The following PRSS23 variants were observed in gnomAD, a reference collection of about 807,000 sequenced individuals.
PRSS23 encodes serine protease 23, also known as protease, serine 23.
In PRSS23, 25 loss-of-function variants were observed where a neutral mutation model predicts 34.7. That is an observed-to-expected ratio of 0.72 (90% CI 0.53 to 1.01). PRSS23 has a LOEUF of 1.01. Ranked by LOEUF, PRSS23 falls within the 50% of genes least tolerant of loss-of-function variation. PRSS23 has a pLI of 0.00. For synonymous variants in PRSS23, 176 were observed against 186.6 expected (o/e 0.94, Z 0.46); for missense variants, 445 against 475.6 (o/e 0.94, Z 0.60).
intron 2 of PRSS23, among the ~76,000 whole-genome samples, chr11:86,894,762 TA>T (rs1459150210): frequency 6.6e-6 from 1 of 152,194 alleles, no homozygotes; most frequent in African/African-American, 2.4e-5. Flanking sequence ...TCACCATAGC[TA>T]AAATCTCTTT....
At chr11:86,932,680 A>G (rs1949133981) in intron 2 of PRSS23, 1 of 151,882 alleles carries the variant, frequency 6.6e-6, no homozygotes, top group Non-Finnish European at 1.5e-5. Context: ...TCTCAAAACC[A>G]CTTGGAATGA....
At chr11:86,881,273 T>A (rs942902510) in intron 2 of PRSS23, among the ~76,000 whole-genome samples, 1 of 144,688 alleles carries the variant, frequency 6.9e-6, no homozygotes. Flanking sequence ...TTTTTTTTTA[T>A]CATGAAATGG....
intron 2 of PRSS23, chr11:86,949,425 A>T (rs1227219715): frequency 6.6e-6 from 1 of 152,084 alleles, no homozygotes; most frequent in East Asian, 1.9e-4. Context: ...AAAAAGAAAA[A>T]AAAAAGCTTC....
intron 2 of PRSS23, among the ~76,000 whole-genome samples, chr11:86,828,180 G>A (rs1948319306): frequency 6.6e-6 from 1 of 152,214 alleles, no homozygotes. Flanking sequence ...GGGTGCTCCT[G>A]TATTGGGTGC....
At chr11:86,858,447 A>G (rs1163175792) in intron 2 of PRSS23, among the ~76,000 whole-genome samples, 3 of 151,910 alleles carry the variant, frequency 2.0e-5, no homozygotes, top group East Asian at 1.9e-4. Flanking sequence ...TGTACATGAT[A>G]TCTACTGGGG....
intron 2 of PRSS23, among the ~76,000 whole-genome samples, chr11:86,886,180 A>G (rs1948800803): frequency 6.6e-6 from 1 of 152,098 alleles, no homozygotes; most frequent in Admixed American, 6.5e-5. Flanking sequence ...CCTGGACAAC[A>G]GTGAGACCCC....
intron 2 of PRSS23, among the ~76,000 whole-genome samples, chr11:86,916,693 C>T (rs928204207): frequency 3.9e-5 from 6 of 152,104 alleles, no homozygotes; most frequent in East Asian, 1.9e-4. Flanking sequence ...AGAGGTGCCC[C>T]CACTCAGAAT....
At chr11:86,949,836 T>A (rs1417373744) in intron 2 of PRSS23, 3 of 152,658 alleles carry the variant, frequency 2.0e-5, no homozygotes, top group African/African-American at 7.2e-5. Context: ...CAGGCCACAC[T>A]GCCTCCAGTG....
At chr11:86,799,180 C>T (rs1431831234), upstream of PRSS23, among the ~76,000 whole-genome samples, 5 of 152,138 alleles carry the variant, frequency 3.3e-5, no homozygotes, top group African/African-American at 4.8e-5. Context: ...AGGAGGTCTA[C>T]GCTGCAGTGA....
chr11:86,924,488 T>A (rs1187262679), intron 2 of PRSS23, among the ~76,000 whole-genome samples: 1 of 152,210 alleles, frequency 6.6e-6, no homozygotes, highest in Non-Finnish European at 1.5e-5. Flanking sequence ...AAAAATGAGT[T>A]AAATAAGATA....
chr11:86,854,485 T>A (rs144633116), intron 2 of PRSS23, among the ~76,000 whole-genome samples: 2 of 152,184 alleles, frequency 1.3e-5, no homozygotes, highest in Non-Finnish European at 2.9e-5. Flanking sequence ...GTTCACAGTG[T>A]TTTTTGATGC....
At chr11:86,832,735 G>A (rs111537332) in intron 2 of PRSS23, 1 of 298,874 alleles carries the variant, frequency 3.3e-6, no homozygotes, top group Non-Finnish European at 6.5e-6. Flanking sequence ...GAGACCCACA[G>A]GTGGAGAAGG....
At chr11:86,925,963 G>A (rs1037755112) in intron 2 of PRSS23, among the ~76,000 whole-genome samples, 2 of 152,200 alleles carry the variant, frequency 1.3e-5, no homozygotes, top group Non-Finnish European at 2.9e-5. Context: ...GAGTGACTGA[G>A]CCTCAGAGCT....
chr11:86,879,150 C>G (rs1333026505), intron 2 of PRSS23, among the ~76,000 whole-genome samples: 1 of 150,624 alleles, frequency 6.6e-6, no homozygotes, highest in Non-Finnish European at 1.5e-5. Flanking sequence ...GCGCCTCTTC[C>G]CGGCCGCCAT....
At position 86,951,266 on chromosome 11, in the gene PRSS23, G is replaced by C. The variant is rs80358300; in HGVS notation, c.257G>C (p.Arg86Thr). 5.0e-6 allele frequency: 8 copies of C among 1,614,142 alleles called. No individual in the cohort carries two copies. The highest frequency in any genetic ancestry group is 6.8e-6 in the Non-Finnish European group (8 of 1,180,028). Reference sequence around the variant, plus strand: ...CTGCCACGTGTGAAGAGTTTTGGCAGACCAAATCCACATGCCTGAAGTGAT... The same window carrying C: ...CTGCCACGTGTGAAGAGTTTTGGCACACCAAATCCACATGCCTGAAGTGAT... Residue 86 changes from arginine to threonine, a missense_variant, in exon 3 of 3, where the codon AGA (arginine) becomes ACA (threonine). Arg to Thr is a moderately conservative substitution (Grantham distance 71). Coordinates refer to the PRSS23 transcript ENST00000533902.
chr11:86,851,040 T>G (rs1005239624), intron 2 of PRSS23, among the ~76,000 whole-genome samples: 1 of 152,170 alleles, frequency 6.6e-6, no homozygotes, highest in Non-Finnish European at 1.5e-5. Flanking sequence ...GCAAGAACCT[T>G]AGACGTTACA....
In PRSS23 at chr11:86,821,859, A is replaced by G. The variant is rs1590878313; in HGVS notation, c.-11-1518A>G. On this transcript the variant is annotated intron_variant, in intron 1 of 2. Coordinates refer to the PRSS23 transcript ENST00000533902. The stretch of plus-strand genomic sequence containing the variant: ...CTATTGGCTCGATTTAATAAGTAAG[A>G]GTACCAATAATTTTTTAGAAGTAAA... 3 of 422,168 alleles carry G rather than the reference A, an allele frequency of 7.1e-6. No individual in the cohort carries two copies. The East Asian group carries it at 1.1e-4, about 16-fold the overall frequency. 26.2% of individuals were successfully genotyped at this position (422,168 alleles called of 1,614,324 possible). A position where few individuals can be genotyped will look rare whatever the true frequency, so the allele number is the denominator to read the frequency against.
chr11:86,834,291 G>A (rs769228100), intron 2 of PRSS23, among the ~76,000 whole-genome samples: 4 of 152,134 alleles, frequency 2.6e-5, no homozygotes, highest in Non-Finnish European at 4.4e-5. Context: ...TTAGCTGCAG[G>A]CAAAAGTATT....
At chr11:86,931,902 G>A (rs1305586975) in intron 2 of PRSS23, among the ~76,000 whole-genome samples, 4 of 152,116 alleles carry the variant, frequency 2.6e-5, no homozygotes, top group East Asian at 1.9e-4. Flanking sequence ...GAAGGGTGAC[G>A]GTAGCCTGGT....
Sources: gnomAD v4.1 joint callset for allele counts (sites outside exome capture counted in the v4.1 genomes callset) on GRCh38, gnomAD v4.1.1 for gene constraint, MANE v1.5 for transcripts, NCBI Gene and HGNC (gene_info 2026-07-23, HGNC 2026-07-21) for gene names.